NSUN6: variants seen among roughly 807,000 people sequenced by gnomAD.
The protein encoded by NSUN6 is NOP2/Sun RNA methyltransferase 6.
In NSUN6, 64 loss-of-function variants were observed where a neutral mutation model predicts 58.0. The observed-to-expected ratio is 1.10, with a 90% CI of 0.90 to 1.36. NSUN6 has a LOEUF of 1.36. NSUN6 is among the 40% of genes most tolerant of loss of function. The probability of loss-of-function intolerance (pLI) is 0.00; values close to 1 mark genes in which losing one functional copy is unlikely to be tolerated. For synonymous variants in NSUN6, 231 were observed against 193.9 expected, an observed-to-expected ratio of 1.19 and a Z score of -1.59; for missense variants, 701 against 550.1, an observed-to-expected ratio of 1.27 and a Z score of -2.74.
upstream of NSUN6, chr10:18,651,894 G>A (rs900731021): frequency 1.0e-6 from 1 of 985,446 alleles, no homozygotes; most frequent in Non-Finnish European, 1.2e-6. Context: ...TTGAGTGGAA[G>A]ATGTTGCTGG....
chr10:18,578,265 C>T (rs1184382768), intron 8 of NSUN6, among the ~76,000 whole-genome samples: 2 of 130,912 alleles, frequency 1.5e-5, no homozygotes, highest in African/African-American at 5.7e-5. Flanking sequence ...TGGAGTTTCA[C>T]TTGTGTCACC....
At chr10:18,590,177 G>A (rs2057325354) in intron 7 of NSUN6, among the ~76,000 whole-genome samples, 2 of 152,088 alleles carry the variant, frequency 1.3e-5, no homozygotes, top group Non-Finnish European at 2.9e-5. Flanking sequence ...ATTACATAAT[G>A]ACAAAAGGGT....
At chr10:18,596,069 G>C (rs1263884743) in intron 7 of NSUN6, 139 bp downstream of exon 7, 2 of 659,818 alleles carry the variant, frequency 3.0e-6, no homozygotes, top group Non-Finnish European at 5.3e-6. Context: ...TTAATATGTA[G>C]TGACTGACAT....
intron 8 of NSUN6, among the ~76,000 whole-genome samples, chr10:18,553,029 C>G (rs1001499174): frequency 6.6e-6 from 1 of 151,560 alleles, no homozygotes; most frequent in Non-Finnish European, 1.5e-5. Flanking sequence ...CCATTTCATT[C>G]CATTCCCTTC....
intron 8 of NSUN6, among the ~76,000 whole-genome samples, chr10:18,569,343 A>G (rs1217475412): frequency 6.9e-6 from 1 of 145,380 alleles, no homozygotes; most frequent in African/African-American, 2.6e-5. Flanking sequence ...ATTTCATTCC[A>G]TTTTCCATTC....
chr10:18,595,329 C>T (rs556653192), intron 7 of NSUN6, among the ~76,000 whole-genome samples: 31 of 152,206 alleles, frequency 2.0e-4, no homozygotes, highest in Admixed American at 3.9e-4. Context: ...TTTGGAAAGA[C>T]ATTTTTACTA....
intron 7 of NSUN6, among the ~76,000 whole-genome samples, chr10:18,594,339 T>G (rs2057497568): frequency 1.3e-5 from 2 of 152,362 alleles, no homozygotes; most frequent in Admixed American, 6.5e-5. Flanking sequence ...ACACTGCCCT[T>G]GTATGCCATA....
chr10:18,634,824 A>C (rs1314202983), intron 3 of NSUN6, among the ~76,000 whole-genome samples: 1 of 152,044 alleles, frequency 6.6e-6, no homozygotes, highest in Non-Finnish European at 1.5e-5. Flanking sequence ...CAGTGAATGG[A>C]GTTGAAAAAT....
chr10:18,564,340 T>C (rs1439704492), intron 8 of NSUN6, among the ~76,000 whole-genome samples: 1 of 151,074 alleles, frequency 6.6e-6, no homozygotes, highest in Admixed American at 6.6e-5. Context: ...CATTCTCCAT[T>C]GCATTCCATT....
intron 8 of NSUN6, among the ~76,000 whole-genome samples, chr10:18,569,254 CTCCATT>C (rs2056192875): frequency 1.4e-5 from 2 of 147,812 alleles, no homozygotes; most frequent in Admixed American, 6.8e-5. Context: ...TTCCATTCTC[CTCCATT>C]TCCAAGTCCA....
At chr10:18,604,698 A>G (rs2057979374) in intron 6 of NSUN6, among the ~76,000 whole-genome samples, 2 of 151,720 alleles carry the variant, frequency 1.3e-5, no homozygotes, top group African/African-American at 4.8e-5. Context: ...AGCCTGGCCA[A>G]CATATAGTGA....
upstream of NSUN6, among the ~76,000 whole-genome samples, chr10:18,658,843 T>C (rs2059806435): frequency 6.6e-6 from 1 of 152,008 alleles, no homozygotes. Context: ...CTGCAATCGA[T>C]CAATCAATCA....
upstream of NSUN6, chr10:18,652,458 T>C (rs973180119): frequency 7.1e-6 from 7 of 984,090 alleles, no homozygotes; most frequent in African/African-American, 1.8e-5. Context: ...CACACACACA[T>C]AGAACAGGTA....
rs1269915486 is a variant in NSUN6 at position 18,616,225 on chromosome 10, C to T, written c.380G>A (p.Gly127Glu). The T allele has an allele frequency of 3.7e-6, 6 of 1,607,170 alleles. No individual in the cohort carries two copies. Among genetic ancestry groups the T allele is most frequent in the South Asian group, 1.1e-5 (1 of 90,948 alleles). The change falls in exon 4 of 11, where the codon GGA becomes GAA. Residue 127 changes from glycine to glutamate, a missense_variant. Gly to Glu is a moderately conservative substitution (Grantham distance 98, BLOSUM62 -2). Coordinates refer to ENST00000377304, the MANE Select transcript of NSUN6 (RefSeq NM_182543.5). ...AATTCCTGGGGCATAGACATGGGCT[C>T]CTCTTAAAACTGCATTGCCACACTG... Reference protein sequence around the residue: ...GAQCGNAVLRGAHVYAPGIVS... With the variant: ...GAQCGNAVLREAHVYAPGIVS...
At chr10:18,604,462 CA>C (rs2057970597) in intron 6 of NSUN6, among the ~76,000 whole-genome samples, 13 of 152,138 alleles carry the variant, frequency 8.5e-5, no homozygotes, top group Admixed American at 8.5e-4. Flanking sequence ...GTATGGCCCG[CA>C]AATCAGGGGA....
chr10:18,649,429 C>T (rs571701468), intron 1 of NSUN6, among the ~76,000 whole-genome samples: 41 of 152,244 alleles, frequency 2.7e-4, no homozygotes, highest in South Asian at 1.2e-3. Flanking sequence ...ACTGAACATT[C>T]AGCCTGGGCA....
chr10:18,591,443 C>A (rs1330006321), intron 7 of NSUN6, among the ~76,000 whole-genome samples: 1 of 152,074 alleles, frequency 6.6e-6, no homozygotes, highest in Non-Finnish European at 1.5e-5. Flanking sequence ...GGACAATATC[C>A]CTGATGAATA....
At chr10:18,553,158 C>CCATTCTCCATTCCATTCCATTG (rs1308476955) in intron 8 of NSUN6, among the ~76,000 whole-genome samples, 4 of 151,844 alleles carry the variant, frequency 2.6e-5, no homozygotes, top group Admixed American at 1.3e-4. Context: ...CCCTTCCATT[C>CCATTCTCCATTCCATTCCATTG]CATTCTCCAT....
At chr10:18,552,179 GA>G (rs45485300) in intron 8 of NSUN6, among the ~76,000 whole-genome samples, 117,705 of 151,956 alleles carry the variant, frequency 0.77, 45,779 homozygotes, top group East Asian at 0.98. Flanking sequence ...AGTTATAGTT[GA>G]AAAGTTATTC....
Sources: allele counts gnomAD v4.1 joint callset (sites outside exome capture counted in the v4.1 genomes callset), GRCh38; gene constraint gnomAD v4.1.1; transcripts MANE v1.5; gene names NCBI Gene and HGNC (gene_info 2026-07-23, HGNC 2026-07-21).